The following RASGRP3 variants were observed in gnomAD, a reference collection of about 807,000 sequenced individuals.
RASGRP3 encodes the protein RAS guanyl releasing protein 3, also known as ras guanyl-releasing protein 3.
In RASGRP3, 54 loss-of-function variants were observed where a neutral mutation model predicts 82.7. That is an observed-to-expected ratio of 0.65 (90% CI 0.52 to 0.82). RASGRP3 has a LOEUF of 0.82. Among genes scored for constraint, RASGRP3 ranks in the 40% least tolerant of loss-of-function variants. The probability of loss-of-function intolerance (pLI) is 0.00; values close to 1 mark genes in which losing one functional copy is unlikely to be tolerated. For synonymous variants in RASGRP3, 309 were observed against 300.5 expected (o/e 1.03, Z -0.29); for missense variants, 861 against 828.9 (o/e 1.04, Z -0.48).
At chr2:33,484,134 T>C in intron 1 of RASGRP3, among the ~76,000 whole-genome samples, 1 of 152,220 alleles carries the variant, frequency 6.6e-6, no homozygotes, top group African/African-American at 2.4e-5. Context: ...AAATTAACTT[T>C]GGGAAGATAC....
chr2:33,449,949 C>G (rs1427835962), intron 2 of RASGRP3, among the ~76,000 whole-genome samples: 3 of 152,140 alleles, frequency 2.0e-5, no homozygotes, highest in African/African-American at 7.2e-5. Flanking sequence ...TATTACCTCA[C>G]ATGATTTCTT....
intron 1 of RASGRP3, among the ~76,000 whole-genome samples, chr2:33,478,825 C>T (rs1667615255): frequency 2.6e-5 from 4 of 152,164 alleles, no homozygotes; most frequent in African/African-American, 9.7e-5. Flanking sequence ...AATAACAATC[C>T]CTTACTTTTA....
At chr2:33,483,873 T>C (rs887745213) in intron 1 of RASGRP3, among the ~76,000 whole-genome samples, 10 of 152,210 alleles carry the variant, frequency 6.6e-5, no homozygotes, top group Non-Finnish European at 8.8e-5. Flanking sequence ...TTTTAATTGC[T>C]TGTCCTTTTC....
intron 1 of RASGRP3, among the ~76,000 whole-genome samples, chr2:33,497,967 T>C (rs1165027714): frequency 1.4e-5 from 2 of 147,564 alleles, no homozygotes; most frequent in African/African-American, 2.5e-5. Flanking sequence ...ACTGCCTTTT[T>C]CCCCTCCCTT....
rs76166717 is a variant in RASGRP3 at position 33,511,009 on chromosome 2, C to A, written c.-260-701C>A. On this transcript the variant is annotated intron_variant, in intron 1 of 17. Transcript: ENST00000403687. Reference sequence around the variant, plus strand: ...AGGCTTCACAAGTCATGTTAATGAACGTCCTTTTGCTACAAGAACATATTG... The same window carrying A: ...AGGCTTCACAAGTCATGTTAATGAAAGTCCTTTTGCTACAAGAACATATTG... Among the ~76,000 whole-genome samples, 268 of 152,246 alleles carry A rather than the reference C, an allele frequency of 1.8e-3. 1 individual carries two copies. The highest frequency in any genetic ancestry group is 6.0e-3 in the African/African-American group (249 of 41,542).
Position 33,562,964 on chromosome 2 carries a change from G to T in RASGRP3, c.*227G>T, listed in dbSNP as rs1676852619. On this transcript the variant is annotated 3_prime_UTR_variant, in exon 18 of 18. Transcript: ENST00000403687. The stretch of plus-strand genomic sequence containing the variant: ...CCTCCTCCCCTACCCCTAGTTAAGT[G>T]CCACAAAGACTGTGTTATGTAGTCA... The T allele has an allele frequency of 1.7e-6, 1 of 599,288 alleles. No individual in the cohort carries two copies. Among genetic ancestry groups the T allele is most frequent in the Non-Finnish European group, 2.9e-6 (1 of 343,186 alleles). 37.1% of individuals were successfully genotyped at this position (599,288 alleles called of 1,614,324 possible). A position where few individuals can be genotyped will look rare whatever the true frequency, so the allele number is the denominator to read the frequency against.
chr2:33,559,270 C>A (rs570821915), intron 17 of RASGRP3, among the ~76,000 whole-genome samples: 1 of 152,216 alleles, frequency 6.6e-6, no homozygotes, highest in African/African-American at 2.4e-5. Flanking sequence ...AGTTCTGAAA[C>A]CTATTGAAGG....
At position 33,558,063 on chromosome 2, in the gene RASGRP3, GAC is replaced by G. The variant is rs376348714; in HGVS notation, c.1580-143_1580-142del. On this transcript the variant is annotated intron_variant, in intron 15 of 17. Coordinates refer to ENST00000403687, the MANE Select transcript of RASGRP3 (RefSeq NM_001139488.2). ...ACCAATGGCCTCTTTCCAGATCCTAGACACACCCCATGGGCCTGAGCTCAACT... is the reference window on the plus strand; with the variant it reads ...ACCAATGGCCTCTTTCCAGATCCTAGACACCCCATGGGCCTGAGCTCAACT... The G allele has an allele frequency of 8.0e-5, 86 of 1,069,336 alleles. No individual in the cohort carries two copies. The African/African-American group carries it at 1.2e-3, about 15-fold the overall frequency. The allele number at this position is 1,069,336 out of a possible 1,614,324, so 66.2% of individuals were successfully genotyped here.
chr2:33,465,370 A>G (rs1282253716), intron 2 of RASGRP3, among the ~76,000 whole-genome samples: 2 of 152,170 alleles, frequency 1.3e-5, no homozygotes, highest in African/African-American at 4.8e-5. Flanking sequence ...GTTTGTTGAT[A>G]AGGCTTAAGG....
chr2:33,535,771 A>G (rs573273347), intron 11 of RASGRP3, among the ~76,000 whole-genome samples: 1 of 152,350 alleles, frequency 6.6e-6, no homozygotes, highest in East Asian at 1.9e-4. Context: ...TAAAGCTAGC[A>G]AGAGTAAGAA....
In RASGRP3 at chr2:33,558,207, T is replaced by G. The variant is rs1238939040; in HGVS notation, c.1580-4T>G. 6.2e-7 allele frequency: 1 copy of G among 1,609,890 alleles called. No homozygotes were observed. On this transcript the variant is annotated splice_region_variant and splice_polypyrimidine_tract_variant and intron_variant, in intron 15 of 17. Transcript: ENST00000403687. ...TCATCTGCGACACCCTTGGAATTTT[T>G]CAGACTGTGGAGCCAATTGTCACAA...
chr2:33,542,530 A>T (rs2151075991), intron 12 of RASGRP3, among the ~76,000 whole-genome samples: 1 of 147,396 alleles, frequency 6.8e-6, no homozygotes, highest in South Asian at 2.2e-4. Flanking sequence ...ATAACACCTT[A>T]AAACTTTATT....
chr2:33,443,858 G>A (rs1402618936), intron 1 of RASGRP3, among the ~76,000 whole-genome samples: 1 of 151,662 alleles, frequency 6.6e-6, no homozygotes, highest in Non-Finnish European at 1.5e-5. Flanking sequence ...TCCAGCCAGG[G>A]CAACAAAGTG....
At chr2:33,516,826 C>T (rs1048798696) in intron 4 of RASGRP3, 182 bp downstream of exon 4, 20 of 458,090 alleles carry the variant, frequency 4.4e-5, no homozygotes, top group African/African-American at 2.8e-4. Flanking sequence ...ATAGTTGACT[C>T]TCCATCTGGA....
chr2:33,480,199 T>A (rs1233101106), intron 1 of RASGRP3, among the ~76,000 whole-genome samples: 1 of 151,950 alleles, frequency 6.6e-6, no homozygotes, highest in Non-Finnish European at 1.5e-5. Flanking sequence ...CCCGCCACCA[T>A]GCCCGGCTAA....
At chr2:33,465,202 T>C (rs1349457341) in intron 2 of RASGRP3, among the ~76,000 whole-genome samples, 2 of 152,204 alleles carry the variant, frequency 1.3e-5, no homozygotes, top group African/African-American at 4.8e-5. Flanking sequence ...TTATTGCTGA[T>C]ATGAAGAAAG....
intron 2 of RASGRP3, among the ~76,000 whole-genome samples, chr2:33,514,173 T>G (rs1184336903): frequency 6.6e-6 from 1 of 152,158 alleles, no homozygotes; most frequent in Non-Finnish European, 1.5e-5. Flanking sequence ...TTCAATAAAT[T>G]AACAGTAGTA....
At chr2:33,468,461 G>T in intron 2 of RASGRP3, among the ~76,000 whole-genome samples, 1 of 151,966 alleles carries the variant, frequency 6.6e-6, no homozygotes, top group Non-Finnish European at 1.5e-5. Context: ...GAGTGCAGTG[G>T]CATGATCTCG....
chr2:33,441,859 G>A (rs944327706), intron 1 of RASGRP3, among the ~76,000 whole-genome samples: 38 of 152,210 alleles, frequency 2.5e-4, no homozygotes, highest in Non-Finnish European at 4.4e-4. Flanking sequence ...ACAATAATGC[G>A]TGTGTAAAAG....
Sources: gnomAD v4.1 joint callset for allele counts (sites outside exome capture counted in the v4.1 genomes callset) on GRCh38, gnomAD v4.1.1 for gene constraint, MANE v1.5 for transcripts, NCBI Gene and HGNC (gene_info 2026-07-23, HGNC 2026-07-21) for gene names.